Variants in RNF17 observed in about 807,000 individuals in gnomAD.
The protein encoded by RNF17 is spermatogenesis associated 23.
Under a neutral mutation model 200.5 loss-of-function variants are expected in RNF17, and 31 were observed. The ratio of observed to expected loss-of-function variants is 0.15; its 90% CI spans 0.12 to 0.21. The LOEUF (loss-of-function observed/expected upper bound fraction) is 0.21. Among genes scored for constraint, RNF17 ranks in the 10% least tolerant of loss-of-function variants. The pLI is 1.00. For missense variants in RNF17, 1,628 were observed against 1,905.1 expected (o/e 0.85, Z 2.71); for synonymous variants, 606 against 637.8 (o/e 0.95, Z 0.75).
intron 15 of RNF17, among the ~76,000 whole-genome samples, chr13:24,814,207 G>T (rs934114895): frequency 6.6e-6 from 1 of 152,156 alleles, no homozygotes; most frequent in South Asian, 2.1e-4. Flanking sequence ...ATAGGCTGAG[G>T]AAGAGCAGAA....
chr13:24,749,019 G>C, the RNF17 span, among the ~76,000 whole-genome samples: 1 of 152,142 alleles, frequency 6.6e-6, no homozygotes, highest in African/African-American at 2.4e-5. Flanking sequence ...CTCCCAAAGT[G>C]CTGGGATTAC....
the RNF17 span, among the ~76,000 whole-genome samples, chr13:24,750,137 C>T: frequency 1.3e-5 from 2 of 152,142 alleles, no homozygotes; most frequent in African/African-American, 4.8e-5. Flanking sequence ...TGTGAAAATT[C>T]TCATTAAATT....
intron 13 of RNF17, among the ~76,000 whole-genome samples, chr13:24,801,184 A>G (rs1593285787): frequency 6.6e-6 from 1 of 152,208 alleles, no homozygotes; most frequent in South Asian, 2.1e-4. Flanking sequence ...TTTTGTTTTT[A>G]ATTTTCTCTT....
chr13:24,876,293 A>G (rs1243122980), intron 33 of RNF17, among the ~76,000 whole-genome samples: 1 of 152,164 alleles, frequency 6.6e-6, no homozygotes, highest in Non-Finnish European at 1.5e-5. Context: ...AAGCCCCCTC[A>G]TACAGTATAT....
At chr13:24,823,457 A>G (rs1234951782) in intron 15 of RNF17, among the ~76,000 whole-genome samples, 2 of 150,200 alleles carry the variant, frequency 1.3e-5, no homozygotes, top group Non-Finnish European at 3.0e-5. Context: ...GTCATGTATG[A>G]TCACTGAAGT....
At chr13:24,876,108 A>G (rs192042467) in intron 33 of RNF17, among the ~76,000 whole-genome samples, 1 of 152,304 alleles carries the variant, frequency 6.6e-6, no homozygotes, top group African/African-American at 2.4e-5. Flanking sequence ...TTAATAATGT[A>G]AGAAAGATCA....
At chr13:24,824,318 A>G (rs562942833) in intron 15 of RNF17, 2 of 648,370 alleles carry the variant, frequency 3.1e-6, no homozygotes, top group Non-Finnish European at 5.6e-6. Flanking sequence ...GAATTTTTAA[A>G]TGTTCACTCT....
At chr13:24,795,740 T>C (rs978082101) in intron 10 of RNF17, among the ~76,000 whole-genome samples, 1 of 152,292 alleles carries the variant, frequency 6.6e-6, no homozygotes, top group African/African-American at 2.4e-5. Context: ...CTGGCTTTTG[T>C]AGGTTATCCT....
At chr13:24,868,483 A>AC in intron 30 of RNF17, 117 bp from the exon 31 acceptor site, 1 of 490,474 alleles carries the variant, frequency 2.0e-6, no homozygotes, top group African/African-American at 2.0e-5. Flanking sequence ...AAAAAAAAAA[A>AC]AAAAAAAAAA....
the RNF17 span, among the ~76,000 whole-genome samples, chr13:24,753,808 G>T: frequency 4.6e-5 from 7 of 152,078 alleles, no homozygotes; most frequent in Non-Finnish European, 7.4e-5. Context: ...GCACATGCTG[G>T]AGTACAGTGG....
intron 34 of RNF17, among the ~76,000 whole-genome samples, chr13:24,878,976 C>T (rs1895148787): frequency 6.6e-6 from 1 of 152,010 alleles, no homozygotes; most frequent in South Asian, 2.1e-4. Context: ...TTTAGGAAGA[C>T]CTTGTGAGAA....
intron 32 of RNF17, among the ~76,000 whole-genome samples, chr13:24,871,440 C>T (rs1039962639): frequency 6.6e-6 from 1 of 152,024 alleles, no homozygotes; most frequent in Non-Finnish European, 1.5e-5. Flanking sequence ...CAGGTTTAAG[C>T]GATTCTCCTG....
chr13:24,755,903 T>G, the RNF17 span, among the ~76,000 whole-genome samples: 1 of 152,210 alleles, frequency 6.6e-6, no homozygotes, highest in Non-Finnish European at 1.5e-5. Context: ...AGTCATATTT[T>G]AGTTATAGGT....
chr13:24,759,079 C>CAAAAAA, the RNF17 span, among the ~76,000 whole-genome samples: 48 of 65,234 alleles, frequency 7.4e-4, no homozygotes, highest in East Asian at 2.5e-3. Context: ...ACTGTGTCTC[C>CAAAAAA]AAAAAAAAAA....
chr13:24,822,517 G>A (rs889070573), intron 15 of RNF17, among the ~76,000 whole-genome samples: 3 of 152,008 alleles, frequency 2.0e-5, no homozygotes, highest in African/African-American at 7.3e-5. Context: ...CACCTCCCAG[G>A]TTCAAGCAAT....
chr13:24,881,841 TATAGATACATCTATATAGATATATAG>T (rs1953834845), downstream of RNF17, among the ~76,000 whole-genome samples: 16 of 139,002 alleles, frequency 1.2e-4, no homozygotes, highest in Non-Finnish European at 1.7e-4. Flanking sequence ...TATATAGATA[TATAGATACATCTATATAGATATATAG>T]ATACATCTAT....
At chr13:24,872,250 G>A (rs934937961) in intron 32 of RNF17, among the ~76,000 whole-genome samples, 3 of 152,102 alleles carry the variant, frequency 2.0e-5, no homozygotes, top group African/African-American at 4.8e-5. Context: ...GTGAGCCTCC[G>A]TGCCTAGCCC....
chr13:24,832,212 A>G (rs1014346008), intron 18 of RNF17, among the ~76,000 whole-genome samples: 7 of 152,170 alleles, frequency 4.6e-5, no homozygotes, highest in African/African-American at 7.2e-5. Flanking sequence ...TGAAAGCCCT[A>G]AAGCCAGGAA....
rs1375343196 is a variant in RNF17, at chr13:24,800,410, A to G, written c.1634A>G (p.His545Arg). Residue 545 changes from histidine to arginine, a missense_variant, in exon 13 of 36, where the codon CAT becomes CGT. This residue lies in a region of RNF17 where 289 missense variants were observed against 384.9 expected (regional missense o/e 0.75). Coordinates refer to ENST00000255324, the MANE Select transcript of RNF17 (RefSeq NM_031277.3). ...HVRPEHSAKQHIALNDLCLVL... is the reference protein window; with the variant it reads ...HVRPEHSAKQRIALNDLCLVL... ...AGACCAGAACACTCTGCTAAGCAAC[A>G]TATTGCACTAAATGATTTATGTCTG... 6 of 1,612,508 alleles carry G rather than the reference A, an allele frequency of 3.7e-6. No individual in the cohort carries two copies. The highest frequency in any genetic ancestry group is 1.1e-5 in the South Asian group (1 of 90,966).
Sources: allele counts gnomAD v4.1 joint callset (sites outside exome capture counted in the v4.1 genomes callset), GRCh38; gene constraint gnomAD v4.1.1; regional missense constraint gnomAD v4.1.1; transcripts MANE v1.5; gene names NCBI Gene and HGNC (gene_info 2026-07-23, HGNC 2026-07-21).